The following TENM3 variants were observed in gnomAD, a reference collection of about 807,000 sequenced individuals.
TENM3 encodes teneurin-3.
In TENM3, 63 loss-of-function variants were observed where a neutral mutation model predicts 255.1. The observed-to-expected ratio is 0.25, with a 90% CI of 0.20 to 0.30. The LOEUF is 0.30. TENM3 is among the 10% of genes least tolerant of loss of function. TENM3 has a pLI of 1.00. For synonymous variants in TENM3, 1,306 were observed against 1,322.3 expected, an observed-to-expected ratio of 0.99 and a Z score of 0.27; for missense variants, 2,929 against 3,461.1, an observed-to-expected ratio of 0.85 and a Z score of 3.86.
intron 1 of TENM3, among the ~76,000 whole-genome samples, chr4:182,212,189 A>T (rs1755091190): frequency 1.3e-5 from 2 of 152,232 alleles, no homozygotes; most frequent in Non-Finnish European, 2.9e-5. Flanking sequence ...ACATTTTTCA[A>T]GTGAAACCAA....
intron 3 of TENM3, among the ~76,000 whole-genome samples, chr4:182,479,701 G>C (rs1734011356): frequency 6.6e-6 from 1 of 151,884 alleles, no homozygotes; most frequent in South Asian, 2.1e-4. Context: ...AATAACCATA[G>C]GATCTACTGA....
chr4:182,078,118 T>C, the TENM3 span, among the ~76,000 whole-genome samples: 9 of 152,118 alleles, frequency 5.9e-5, no homozygotes, highest in African/African-American at 2.2e-4. Flanking sequence ...CCCAGCTACT[T>C]GGGAGTCTGA....
chr4:181,604,129 G>A, the TENM3 span, among the ~76,000 whole-genome samples: 3 of 152,120 alleles, frequency 2.0e-5, no homozygotes, highest in Admixed American at 1.3e-4. Context: ...GCCGGGCGTG[G>A]TGGCGGGTGC....
chr4:182,571,855 A>G (rs908766589), intron 3 of TENM3, among the ~76,000 whole-genome samples: 2 of 152,176 alleles, frequency 1.3e-5, no homozygotes, highest in African/African-American at 4.8e-5. Context: ...AACAAAAACC[A>G]AAGACCACTG....
At chr4:181,947,302 G>A in the TENM3 span, among the ~76,000 whole-genome samples, 1 of 152,180 alleles carries the variant, frequency 6.6e-6, no homozygotes, top group African/African-American at 2.4e-5. Context: ...GCAAAATTGA[G>A]TAACTAACTG....
chr4:181,686,197 T>A, the TENM3 span, among the ~76,000 whole-genome samples: 1 of 152,124 alleles, frequency 6.6e-6, no homozygotes, highest in Admixed American at 6.6e-5. Context: ...CAAATACCAA[T>A]CCATGCTACC....
the TENM3 span, among the ~76,000 whole-genome samples, chr4:181,641,404 G>A: frequency 2.0e-5 from 3 of 150,802 alleles, no homozygotes; most frequent in African/African-American, 7.3e-5. Context: ...TCATTGTTCA[G>A]CTCCCACTTA....
intron 1 of TENM3, among the ~76,000 whole-genome samples, chr4:182,151,097 C>T (rs1435544680): frequency 6.6e-6 from 1 of 152,102 alleles, no homozygotes; most frequent in Non-Finnish European, 1.5e-5. Context: ...AAGAGGTCCT[C>T]ACTCAAGAGC....
At chr4:181,747,149 T>C in the TENM3 span, among the ~76,000 whole-genome samples, 1 of 152,144 alleles carries the variant, frequency 6.6e-6, no homozygotes, top group Non-Finnish European at 1.5e-5. Context: ...GAGAGACTAC[T>C]TTCCTCATAC....
chr4:182,168,954 A>G (rs190345790), intron 1 of TENM3, among the ~76,000 whole-genome samples: 22 of 152,262 alleles, frequency 1.4e-4, no homozygotes, highest in African/African-American at 4.1e-4. Context: ...ATATTTGTTT[A>G]TATGTATACT....
chr4:182,212,702 G>A (rs1579745084), intron 1 of TENM3, among the ~76,000 whole-genome samples: 2 of 152,102 alleles, frequency 1.3e-5, no homozygotes, highest in Admixed American at 6.5e-5. Context: ...TCCCGATACC[G>A]CTGAACTCTT....
chr4:182,695,492 G>T (rs1757332869), intron 12 of TENM3, among the ~76,000 whole-genome samples: 1 of 152,190 alleles, frequency 6.6e-6, no homozygotes, highest in Non-Finnish European at 1.5e-5. Flanking sequence ...AGGAGAATTT[G>T]ATCTGGGGGT....
At chr4:181,807,986 A>T in the TENM3 span, among the ~76,000 whole-genome samples, 1 of 152,180 alleles carries the variant, frequency 6.6e-6, no homozygotes, top group South Asian at 2.1e-4. Context: ...TTCCTGATGT[A>T]AACAGTTTCA....
intron 1 of TENM3, among the ~76,000 whole-genome samples, chr4:182,227,131 A>G (rs1323635841): frequency 6.6e-6 from 1 of 152,154 alleles, no homozygotes; most frequent in Non-Finnish European, 1.5e-5. Flanking sequence ...ACTCCTTTCC[A>G]TGGAATCAAG....
the TENM3 span, among the ~76,000 whole-genome samples, chr4:181,692,752 G>A: frequency 6.6e-6 from 1 of 152,150 alleles, no homozygotes; most frequent in East Asian, 1.9e-4. Flanking sequence ...GGTATGCGGG[G>A]CATCAGAGGG....
intron 1 of TENM3, among the ~76,000 whole-genome samples, chr4:182,292,583 T>C (rs938526): frequency 0.25 from 38,165 of 152,182 alleles, 5,982 homozygotes; most frequent in African/African-American, 0.43. Context: ...CACAGTTCCT[T>C]TGAGATCACA....
At chr4:182,484,343 T>C (rs2151534636) in intron 3 of TENM3, among the ~76,000 whole-genome samples, 1 of 152,322 alleles carries the variant, frequency 6.6e-6, no homozygotes, top group Middle Eastern at 3.4e-3. Context: ...GGCTTAACAC[T>C]TAATGCTCCG....
At chr4:181,470,361 C>A in the TENM3 span, among the ~76,000 whole-genome samples, 1 of 151,964 alleles carries the variant, frequency 6.6e-6, no homozygotes, top group Non-Finnish European at 1.5e-5. Context: ...ATACACAAAA[C>A]GTATGTATAA....
At chr4:182,512,557 G>T (rs1275885553) in intron 3 of TENM3, among the ~76,000 whole-genome samples, 1 of 152,134 alleles carries the variant, frequency 6.6e-6, no homozygotes, top group Non-Finnish European at 1.5e-5. Context: ...TTAAATATTT[G>T]ATGAAATCAT....
Sources: gnomAD v4.1 joint callset for allele counts (sites outside exome capture counted in the v4.1 genomes callset) on GRCh38, gnomAD v4.1.1 for gene constraint, MANE v1.5 for transcripts, NCBI Gene and HGNC (gene_info 2026-07-23, HGNC 2026-07-21) for gene names.